ASAP1: variants seen among roughly 807,000 people sequenced by gnomAD.
ASAP1 encodes arf-GAP with SH3 domain, ANK repeat and PH domain-containing protein 1.
ASAP1 carries 43 observed loss-of-function variants against 145.2 expected under a neutral mutation model. The observed-to-expected ratio is 0.30, with a 90% CI of 0.23 to 0.38. The LOEUF (loss-of-function observed/expected upper bound fraction) is 0.38. ASAP1 is among the 10% of genes least tolerant of loss of function. The pLI, the probability that ASAP1 is intolerant of heterozygous loss-of-function variation, is 1.00. For synonymous variants in ASAP1, 546 were observed against 515.5 expected (o/e 1.06, Z -0.80); for missense variants, 1,018 against 1,355.3 (o/e 0.75, Z 3.91).
rs778946557 is a variant in ASAP1, at chr8:130,262,120, G to A, written c.187-25126C>T. 1.0e-3 allele frequency among the ~76,000 whole-genome samples: 157 copies of A among 152,020 alleles called. 1 individual carries two copies. Among genetic ancestry groups the A allele is most frequent in the Admixed American group, 2.4e-3 (36 of 15,242 alleles). On this transcript the variant is annotated intron_variant, in intron 3 of 29. Coordinates refer to ENST00000518721, the MANE Select transcript of ASAP1 (RefSeq NM_018482.4). ...CTATTAAAAAAGGGAGTACCGGCTGGGCGCGGTGGCTCACACCTGTAATCC... is the reference window on the plus strand; with the variant it reads ...CTATTAAAAAAGGGAGTACCGGCTGAGCGCGGTGGCTCACACCTGTAATCC...
At chr8:130,146,927 T>C (rs1253155738) in intron 13 of ASAP1, among the ~76,000 whole-genome samples, 2 of 151,920 alleles carry the variant, frequency 1.3e-5, no homozygotes, top group South Asian at 4.1e-4. Context: ...AAAATAGCAA[T>C]ACAAAAGAAT....
At chr8:130,163,913 A>G (rs1055096679) in intron 11 of ASAP1, among the ~76,000 whole-genome samples, 1 of 152,208 alleles carries the variant, frequency 6.6e-6, no homozygotes, top group African/African-American at 2.4e-5. Flanking sequence ...TATAAAATGT[A>G]TTATTAAGAG....
chr8:130,060,842 G>C lies in ASAP1; in HGVS notation c.2929C>G (p.Leu977Val). Residue 977 changes from leucine to valine, a missense_variant, in exon 28 of 30, where the codon CTC becomes GTC. Transcript: ENST00000518721. Reference protein sequence around the residue: ...QLGDLPPKPQLSDLPPKPQMK... With the variant: ...QLGDLPPKPQVSDLPPKPQMK... ...TGTGGTTTGGGAGGTAAGTCTGAGA[G>C]TTGGGGTTTGGGTGGCAGGTCCCCC... is the stretch of plus-strand genomic sequence containing the variant. The C allele has an allele frequency of 6.2e-7, 1 of 1,613,910 alleles. No individual in the cohort carries two copies. The highest frequency in any genetic ancestry group is 8.5e-7 in the Non-Finnish European group (1 of 1,179,980).
At chr8:130,104,598 C>G (rs1224955521) in intron 24 of ASAP1, among the ~76,000 whole-genome samples, 1 of 152,182 alleles carries the variant, frequency 6.6e-6, no homozygotes, top group Non-Finnish European at 1.5e-5. Flanking sequence ...AGTGTACTCT[C>G]GTGGCAAAAC....
intron 1 of ASAP1, among the ~76,000 whole-genome samples, chr8:130,437,208 C>T (rs761646264): frequency 6.6e-6 from 1 of 152,226 alleles, no homozygotes; most frequent in Non-Finnish European, 1.5e-5. Context: ...GACTCAGCCC[C>T]CTTGTTCAGT....
intron 3 of ASAP1, among the ~76,000 whole-genome samples, chr8:130,243,357 C>T (rs1460361346): frequency 1.3e-5 from 2 of 152,068 alleles, no homozygotes; most frequent in Non-Finnish European, 2.9e-5. Context: ...AAGAATAATA[C>T]CAGGATAATA....
chr8:130,081,241 C>A (rs1257958406), intron 25 of ASAP1, among the ~76,000 whole-genome samples: 1 of 152,128 alleles, frequency 6.6e-6, no homozygotes, highest in Admixed American at 6.6e-5. Flanking sequence ...ACCAGAGGCA[C>A]ACAGGTGGAG....
At chr8:130,104,011 A>G (rs1421141669) in intron 24 of ASAP1, among the ~76,000 whole-genome samples, 1 of 152,090 alleles carries the variant, frequency 6.6e-6, no homozygotes, top group Non-Finnish European at 1.5e-5. Flanking sequence ...CCAGGGCTTA[A>G]TGGATATTCT....
intron 1 of ASAP1, among the ~76,000 whole-genome samples, chr8:130,439,580 A>T (rs998088227): frequency 4.7e-5 from 6 of 128,640 alleles, no homozygotes; most frequent in African/African-American, 1.8e-4. Flanking sequence ...ATAAGATATT[A>T]AAAAAAAAAG....
At chr8:130,208,524 T>C (rs909871897) in intron 5 of ASAP1, 14 of 152,264 alleles carry the variant, frequency 9.2e-5, no homozygotes, top group African/African-American at 3.4e-4. Context: ...GTTATCTTAT[T>C]TAAAGTCACT....
intron 1 of ASAP1, among the ~76,000 whole-genome samples, chr8:130,425,216 C>T (rs1829871582): frequency 2.0e-5 from 3 of 151,740 alleles, no homozygotes; most frequent in Non-Finnish European, 4.4e-5. Context: ...CCTGTAATCC[C>T]AGCTACTTGG....
At chr8:130,092,248 C>G (rs923522001) in intron 24 of ASAP1, 105 bp from the exon 25 acceptor site, 1 of 1,268,952 alleles carries the variant, frequency 7.9e-7, no homozygotes, top group South Asian at 1.6e-5. Flanking sequence ...GTATGACACA[C>G]AGAGACAAAA....
chr8:130,295,153 T>C (rs112024871), intron 3 of ASAP1, among the ~76,000 whole-genome samples: 3,072 of 152,088 alleles, frequency 0.02, 100 homozygotes, highest in African/African-American at 0.069. Context: ...TGTGGTGGCA[T>C]GCACCTGGAG....
chr8:130,066,534 T>C (rs559922015), intron 27 of ASAP1, among the ~76,000 whole-genome samples: 19 of 152,254 alleles, frequency 1.2e-4, no homozygotes, highest in Admixed American at 8.5e-4. Context: ...TCTTTCTTCC[T>C]TTCCTTCCCT....
intron 5 of ASAP1, among the ~76,000 whole-genome samples, chr8:130,205,950 C>CA (rs1414755951): frequency 1.3e-5 from 2 of 152,054 alleles, no homozygotes; most frequent in Admixed American, 1.3e-4. Context: ...TCTCTGTGTA[C>CA]AAATCCATAA....
intron 3 of ASAP1, chr8:130,340,893 T>A (rs13265869): frequency 2.2e-6 from 1 of 455,740 alleles, no homozygotes; most frequent in Non-Finnish European, 4.4e-6. Flanking sequence ...GACCAATCAT[T>A]GCGATGAATG....
intron 3 of ASAP1, among the ~76,000 whole-genome samples, chr8:130,272,176 C>CA (rs1022625602): frequency 2.8e-4 from 42 of 151,362 alleles, no homozygotes; most frequent in African/African-American, 1.0e-3. Context: ...AAAACAAAAA[C>CA]AAAAAATGGG....
chr8:130,074,395 T>C (rs1187623820), intron 27 of ASAP1, among the ~76,000 whole-genome samples: 1 of 151,806 alleles, frequency 6.6e-6, no homozygotes, highest in Non-Finnish European at 1.5e-5. Flanking sequence ...CTGTGTCTTT[T>C]TTTGTATTTC....
At chr8:130,137,550 G>A (rs776834048) in intron 13 of ASAP1, among the ~76,000 whole-genome samples, 14 of 152,034 alleles carry the variant, frequency 9.2e-5, no homozygotes, top group South Asian at 6.2e-4. Context: ...AAATGACCCC[G>A]GTAATCAATC....
Sources: allele counts gnomAD v4.1 joint callset (sites outside exome capture counted in the v4.1 genomes callset), GRCh38; gene constraint gnomAD v4.1.1; transcripts MANE v1.5; gene names NCBI Gene and HGNC (gene_info 2026-07-23, HGNC 2026-07-21).